IRAG1: variants seen among roughly 807,000 people sequenced by gnomAD.
The protein encoded by IRAG1 is IP3R-associated cGMP kinase substrate.
In IRAG1, 62 loss-of-function variants were observed where a neutral mutation model predicts 106.2. The ratio of observed to expected loss-of-function variants is 0.58; its 90% CI spans 0.48 to 0.72. The LOEUF (loss-of-function observed/expected upper bound fraction) is 0.72, where lower values mean the gene tolerates loss of function less well. IRAG1 is among the 30% of genes least tolerant of loss of function. The pLI is 0.00. For synonymous variants in IRAG1, 462 were observed against 443.9 expected, an observed-to-expected ratio of 1.04 and a Z score of -0.51; for missense variants, 1,064 against 1,140.7, an observed-to-expected ratio of 0.93 and a Z score of 0.97.
intron 17 of IRAG1, 164 bp downstream of exon 17, chr11:10,593,328 G>A: frequency 1.8e-6 from 1 of 558,310 alleles, no homozygotes; most frequent in Non-Finnish European, 3.2e-6. Context: ...CATGCAGCCT[G>A]GTGTATATTG....
At chr11:10,690,698 G>GCCCGCTTT (rs1861991353) in intron 1 of IRAG1, among the ~76,000 whole-genome samples, 1 of 152,116 alleles carries the variant, frequency 6.6e-6, no homozygotes, top group East Asian at 1.9e-4. Context: ...TGCAGGAAGC[G>GCCCGCTTT]CCCGCTTTGG....
chr11:10,643,133 C>T (rs1206985431), intron 2 of IRAG1, among the ~76,000 whole-genome samples: 2 of 133,312 alleles, frequency 1.5e-5, no homozygotes, highest in Non-Finnish European at 3.1e-5. Context: ...CTGATCGTGC[C>T]ACTGCACTCC....
At chr11:10,649,393 C>T (rs1409195787) in intron 2 of IRAG1, among the ~76,000 whole-genome samples, 1 of 152,144 alleles carries the variant, frequency 6.6e-6, no homozygotes, top group African/African-American at 2.4e-5. Flanking sequence ...GAGGGCTGGG[C>T]TGAACAGGCA....
chr11:10,629,746 T>G, intron 4 of IRAG1, 35 bp from the exon 5 acceptor site: 1 of 1,599,756 alleles, frequency 6.3e-7, no homozygotes, highest in Non-Finnish European at 8.5e-7. Flanking sequence ...TGAGAGCCAC[T>G]GCATCCGTGG....
chr11:10,623,950 T>C (rs1416702213), intron 9 of IRAG1, 94 bp from the exon 10 acceptor site: 4 of 1,214,016 alleles, frequency 3.3e-6, no homozygotes, highest in Admixed American at 3.6e-5. Context: ...ACCACTATCT[T>C]AGGTGGGAAA....
At chr11:10,671,936 C>T (rs1195665272) in intron 1 of IRAG1, among the ~76,000 whole-genome samples, 2 of 152,108 alleles carry the variant, frequency 1.3e-5, no homozygotes, top group Non-Finnish European at 2.9e-5. Context: ...ATCTACACAT[C>T]CCAATTGCAA....
intron 4 of IRAG1, 85 bp downstream of exon 4, chr11:10,631,906 G>T: frequency 8.9e-7 from 1 of 1,127,062 alleles, no homozygotes; most frequent in Non-Finnish European, 1.3e-6. Flanking sequence ...GCCTTAAAGA[G>T]CAGGAGAGAG....
chr11:10,687,823 T>C (rs1861773755), intron 1 of IRAG1: 6 of 1,287,320 alleles, frequency 4.7e-6, no homozygotes, highest in Non-Finnish European at 6.1e-6. Flanking sequence ...ACCTAATGTA[T>C]ACCGAGTGCT....
rs112565976 is a variant in IRAG1 at position 10,637,733 on chromosome 11, G to C, written c.226-3662C>G. 4.6e-5 allele frequency among the ~76,000 whole-genome samples: 7 copies of C among 152,164 alleles called. 1 individual carries two copies. The highest frequency in any genetic ancestry group is 1.7e-4 in the African/African-American group (7 of 41,506). ...GGAGGCCAGCAAGCAGCAGAGGCTG[G>C]GGTTTCCAGGGGACCAGAAGAGAAG... On this transcript the variant is annotated intron_variant, in intron 2 of 20. Coordinates refer to ENST00000423302, the MANE Select transcript of IRAG1 (RefSeq NM_130385.4).
intron 9 of IRAG1, 82 bp from the exon 10 acceptor site, chr11:10,623,938 C>A: frequency 3.0e-6 from 4 of 1,317,678 alleles, no homozygotes; most frequent in Non-Finnish European, 4.3e-6. Context: ...TATGGTTCTG[C>A]GACCACTATC....
chr11:10,586,268 G>T (rs1189666295), intron 18 of IRAG1: 1 of 152,144 alleles, frequency 6.6e-6, no homozygotes, highest in Non-Finnish European at 1.5e-5. Flanking sequence ...CCTCTAAACT[G>T]AGCTTGTAGT....
chr11:10,587,514 G>C (rs1345306883), intron 18 of IRAG1, among the ~76,000 whole-genome samples: 1 of 152,168 alleles, frequency 6.6e-6, no homozygotes, highest in African/African-American at 2.4e-5. Context: ...CAGCAAAGGG[G>C]AGTTGCTTAC....
chr11:10,589,546 T>C (rs1412199268), intron 18 of IRAG1, among the ~76,000 whole-genome samples: 1 of 152,092 alleles, frequency 6.6e-6, no homozygotes, highest in African/African-American at 2.4e-5. Flanking sequence ...GGATCACAGG[T>C]GTGAGCCACC....
At chr11:10,646,848 T>C (rs10840454) in intron 2 of IRAG1, among the ~76,000 whole-genome samples, 36,333 of 152,060 alleles carry the variant, frequency 0.24, 5,345 homozygotes, top group East Asian at 0.77. Flanking sequence ...TAGGAGTTAA[T>C]GTGCCCTTCC....
At chr11:10,689,440 T>C (rs1861899215) in intron 1 of IRAG1, among the ~76,000 whole-genome samples, 1 of 152,222 alleles carries the variant, frequency 6.6e-6, no homozygotes, top group Admixed American at 6.5e-5. Flanking sequence ...TGTGATGTTG[T>C]GTGTTTAAGG....
At chr11:10,676,040 T>G (rs1860629550) in intron 1 of IRAG1, among the ~76,000 whole-genome samples, 1 of 152,270 alleles carries the variant, frequency 6.6e-6, no homozygotes, top group African/African-American at 2.4e-5. Flanking sequence ...GTTCCTGATT[T>G]AAATGCAGTT....
chr11:10,680,606 G>C (rs1430992516), intron 1 of IRAG1, among the ~76,000 whole-genome samples: 1 of 152,030 alleles, frequency 6.6e-6, no homozygotes, highest in Non-Finnish European at 1.5e-5. Flanking sequence ...AACCCTCTTA[G>C]GTTAGAGGGT....
chr11:10,587,967 A>C (rs1186873881), intron 18 of IRAG1, among the ~76,000 whole-genome samples: 1 of 152,244 alleles, frequency 6.6e-6, no homozygotes, highest in Non-Finnish European at 1.5e-5. Flanking sequence ...CAGAGATATT[A>C]ATAGTACACC....
At chr11:10,677,364 CT>C (rs1022764883) in intron 1 of IRAG1, among the ~76,000 whole-genome samples, 1 of 152,110 alleles carries the variant, frequency 6.6e-6, no homozygotes, top group African/African-American at 2.4e-5. Flanking sequence ...GTGTTTATGA[CT>C]TGAGAGTAAT....
Sources: allele counts gnomAD v4.1 joint callset (sites outside exome capture counted in the v4.1 genomes callset), GRCh38; gene constraint gnomAD v4.1.1; transcripts MANE v1.5; gene names NCBI Gene and HGNC (gene_info 2026-07-23, HGNC 2026-07-21).